Variants in CDH12 observed in about 807,000 individuals in gnomAD.
CDH12 encodes the protein cadherin 12.
A neutral mutation model predicts 74.1 loss-of-function variants in CDH12; 41 were observed. The ratio of observed to expected loss-of-function variants is 0.55; its 90% CI spans 0.43 to 0.72. The LOEUF is 0.72. Ranked by LOEUF, CDH12 falls within the 30% of genes least tolerant of loss-of-function variation. CDH12 has a pLI of 0.00. For synonymous variants in CDH12, 399 were observed against 355.0 expected, an observed-to-expected ratio of 1.12 and a Z score of -1.39; for missense variants, 945 against 977.2, an observed-to-expected ratio of 0.97 and a Z score of 0.44.
chr5:21,844,557 C>T (rs1750055234), intron 7 of CDH12, among the ~76,000 whole-genome samples: 1 of 152,114 alleles, frequency 6.6e-6, no homozygotes. Flanking sequence ...GCAGCAGAGA[C>T]ATCACTCATC....
intron 3 of CDH12, among the ~76,000 whole-genome samples, chr5:22,359,349 G>A (rs1347134540): frequency 6.6e-6 from 1 of 152,140 alleles, no homozygotes; most frequent in Non-Finnish European, 1.5e-5. Context: ...TTACATAATG[G>A]TAAAGGGATC....
At chr5:22,014,208 G>A (rs1227398721) in intron 5 of CDH12, among the ~76,000 whole-genome samples, 3 of 152,128 alleles carry the variant, frequency 2.0e-5, no homozygotes, top group African/African-American at 7.2e-5. Flanking sequence ...TCCAGCCTGG[G>A]TGACAGAGCA....
chr5:21,798,246 T>G (rs1199671702), intron 10 of CDH12, among the ~76,000 whole-genome samples: 1 of 90,684 alleles, frequency 1.1e-5, no homozygotes, highest in Non-Finnish European at 2.6e-5. Flanking sequence ...AATGTATATG[T>G]GGATGTGTGT....
chr5:21,805,478 A>G (rs1332375708), intron 9 of CDH12, among the ~76,000 whole-genome samples: 1 of 152,136 alleles, frequency 6.6e-6, no homozygotes, highest in Admixed American at 6.6e-5. Context: ...AATCCTGTAC[A>G]TACAGATTTT....
At chr5:22,248,818 A>G (rs944697859) in intron 3 of CDH12, among the ~76,000 whole-genome samples, 3 of 152,088 alleles carry the variant, frequency 2.0e-5, no homozygotes, top group African/African-American at 7.2e-5. Flanking sequence ...CTTATCATAT[A>G]AGTAACTAAA....
chr5:22,702,861 T>C (rs1449289525), intron 1 of CDH12, among the ~76,000 whole-genome samples: 1 of 152,116 alleles, frequency 6.6e-6, no homozygotes, highest in Non-Finnish European at 1.5e-5. Flanking sequence ...AATTGCATCA[T>C]CTTTTCCCGA....
chr5:22,013,354 C>T (rs1009580353), intron 5 of CDH12, among the ~76,000 whole-genome samples: 7 of 152,198 alleles, frequency 4.6e-5, no homozygotes, highest in Non-Finnish European at 7.3e-5. Context: ...CCACATGATT[C>T]AATTACCTCC....
chr5:22,387,753 T>A (rs950529400), intron 3 of CDH12, among the ~76,000 whole-genome samples: 1 of 152,172 alleles, frequency 6.6e-6, no homozygotes, highest in African/African-American at 2.4e-5. Context: ...GATATCTTAA[T>A]GTTTCAAAGA....
At chr5:22,192,643 G>A (rs929195435) in intron 4 of CDH12, among the ~76,000 whole-genome samples, 2 of 151,996 alleles carry the variant, frequency 1.3e-5, no homozygotes, top group African/African-American at 4.8e-5. Context: ...ATTATTCACA[G>A]TGACTGAAAA....
At chr5:22,106,869 A>G (rs2150255781) in intron 4 of CDH12, among the ~76,000 whole-genome samples, 1 of 152,304 alleles carries the variant, frequency 6.6e-6, no homozygotes, top group Non-Finnish European at 1.5e-5. Flanking sequence ...AGATGTATTA[A>G]TATTGAGTTA....
chr5:22,591,565 C>T (rs1736321286), intron 1 of CDH12, among the ~76,000 whole-genome samples: 2 of 151,956 alleles, frequency 1.3e-5, no homozygotes, highest in Admixed American at 1.3e-4. Context: ...ATCATTTCAT[C>T]TCATTTTCTT....
intron 1 of CDH12, among the ~76,000 whole-genome samples, chr5:22,506,464 C>A (rs1371294071): frequency 1.3e-5 from 2 of 152,090 alleles, no homozygotes; most frequent in African/African-American, 4.8e-5. Context: ...TTTCAATTAG[C>A]CTCTATGTCT....
intron 5 of CDH12, among the ~76,000 whole-genome samples, chr5:22,062,184 TTAAAG>T (rs1429467832): frequency 1.3e-5 from 2 of 152,180 alleles, no homozygotes; most frequent in African/African-American, 4.8e-5. Context: ...GCCAATTCAA[TTAAAG>T]TAAACACATT....
In CDH12 at chr5:22,565,851, AT is replaced by A. The variant is rs545302681; in HGVS notation, c.-522-60488del. Reference sequence around the variant, plus strand: ...TTATTTTATATGTATTTTAAATTACATTTTATTTTTTATCAGGACACAAAAA... The same window carrying A: ...TTATTTTATATGTATTTTAAATTACATTTATTTTTTATCAGGACACAAAAA... On this transcript the variant is annotated intron_variant, in intron 1 of 14. Transcript: ENST00000382254. Among the ~76,000 whole-genome samples, 1,250 of 152,294 alleles carry A rather than the reference AT, an allele frequency of 8.2e-3. 12 individuals carry two copies. The highest frequency in any genetic ancestry group is 0.029 in the African/African-American group (1,204 of 41,564).
intron 1 of CDH12, among the ~76,000 whole-genome samples, chr5:22,712,093 A>G (rs1337695250): frequency 6.6e-6 from 1 of 152,048 alleles, no homozygotes; most frequent in Non-Finnish European, 1.5e-5. Context: ...CACACACAGT[A>G]AATGCTCAGT....
chr5:22,297,573 T>C (rs1205931591), intron 3 of CDH12, among the ~76,000 whole-genome samples: 1 of 152,224 alleles, frequency 6.6e-6, no homozygotes, highest in East Asian at 1.9e-4. Context: ...AGAAATACTT[T>C]CCTTGTATCT....
At chr5:22,326,819 C>G (rs1487883301) in intron 3 of CDH12, among the ~76,000 whole-genome samples, 1 of 152,096 alleles carries the variant, frequency 6.6e-6, no homozygotes, top group Non-Finnish European at 1.5e-5. Flanking sequence ...TTTAATACTT[C>G]AAAATATCCA....
At chr5:22,460,741 A>T (rs1220174270) in intron 2 of CDH12, among the ~76,000 whole-genome samples, 3 of 50,740 alleles carry the variant, frequency 5.9e-5, no homozygotes, top group African/African-American at 7.7e-5. Flanking sequence ...TTTTTTTTAG[A>T]CGATGTCTTC....
At chr5:21,821,240 A>C (rs1748354663) in intron 8 of CDH12, among the ~76,000 whole-genome samples, 1 of 151,812 alleles carries the variant, frequency 6.6e-6, no homozygotes, top group Non-Finnish European at 1.5e-5. Flanking sequence ...AAAAAAAAGG[A>C]TGTAAAATAT....
Sources: gnomAD v4.1 joint callset for allele counts (sites outside exome capture counted in the v4.1 genomes callset) on GRCh38, gnomAD v4.1.1 for gene constraint, MANE v1.5 for transcripts, NCBI Gene and HGNC (gene_info 2026-07-23, HGNC 2026-07-21) for gene names.